The following C2orf92 variants were observed in gnomAD, a reference collection of about 807,000 sequenced individuals.
C2orf92 encodes chromosome 2 open reading frame 92.
chr2:97,690,200 G>T (rs1676082160), intron 4 of C2orf92, 56 bp from the exon 5 acceptor site: 1 of 396,860 alleles, frequency 2.5e-6, no homozygotes. Context: ...GCTTGCAAAT[G>T]TGTACTGATG....
chr2:97,680,699 G>A (rs913709911), intron 3 of C2orf92, among the ~76,000 whole-genome samples: 1 of 152,128 alleles, frequency 6.6e-6, no homozygotes, highest in African/African-American at 2.4e-5. Flanking sequence ...GGCCGAGGCG[G>A]GCGGATCATG....
intron 3 of C2orf92, among the ~76,000 whole-genome samples, chr2:97,687,421 C>A (rs1352226982): frequency 1.3e-5 from 2 of 152,110 alleles, no homozygotes; most frequent in East Asian, 3.9e-4. Context: ...CCACCACCAC[C>A]ACCACCACAA....
chr2:97,682,669 A>G (rs958257789), intron 3 of C2orf92, among the ~76,000 whole-genome samples: 1 of 152,212 alleles, frequency 6.6e-6, no homozygotes, highest in Non-Finnish European at 1.5e-5. Context: ...ATAAAAATCA[A>G]TCACTGTAAT....
chr2:97,672,743 C>G (rs1169211293), intron 1 of C2orf92, among the ~76,000 whole-genome samples: 1 of 152,072 alleles, frequency 6.6e-6, no homozygotes, highest in Non-Finnish European at 1.5e-5. Flanking sequence ...CGTAGGTCAG[C>G]ATGGTCATCA....
chr2:97,701,357 C>G (rs2104611319), intron 7 of C2orf92, 53 bp downstream of exon 7: 1 of 397,686 alleles, frequency 2.5e-6, no homozygotes, highest in East Asian at 3.6e-5. Context: ...TGTTAGAACT[C>G]ACGCTGCCCT....
intron 6 of C2orf92, 29 bp downstream of exon 6, chr2:97,699,165 G>A: frequency 7.5e-6 from 3 of 398,544 alleles, no homozygotes; most frequent in Admixed American, 4.4e-5. Context: ...TATAAACTAA[G>A]TATGATGCTT....
At chr2:97,688,368 A>G (rs1247086781) in intron 3 of C2orf92, among the ~76,000 whole-genome samples, 4 of 152,166 alleles carry the variant, frequency 2.6e-5, no homozygotes, top group Non-Finnish European at 5.9e-5. Flanking sequence ...AGGAAAGCCT[A>G]GAGGGGAAGG....
chr2:97,663,943 G>A, upstream of C2orf92: 2 of 983,500 alleles, frequency 2.0e-6, no homozygotes, highest in South Asian at 3.4e-5. Context: ...GGCACCGGAT[G>A]GGCGGGCGGG....
chr2:97,695,845 A>G (rs2104596620), intron 5 of C2orf92, among the ~76,000 whole-genome samples: 1 of 152,074 alleles, frequency 6.6e-6, no homozygotes, highest in African/African-American at 2.4e-5. Context: ...TCCACCTCCC[A>G]AATTCAAGCA....
intron 5 of C2orf92, among the ~76,000 whole-genome samples, chr2:97,691,495 T>C (rs772766314): frequency 6.6e-6 from 1 of 152,168 alleles, no homozygotes; most frequent in Non-Finnish European, 1.5e-5. Context: ...TGGAGGGAGA[T>C]TGGCTCCACA....
chr2:97,672,471 A>T lies in C2orf92; in HGVS notation c.47-1985A>T, dbSNP rs557319493. 2.0e-5 allele frequency: 3 copies of T among 152,324 alleles called. No homozygotes were observed. The East Asian group carries it at 5.8e-4, about 29-fold the overall frequency. 9.4% of individuals were successfully genotyped at this position (152,324 alleles called of 1,614,324 possible). On this transcript the variant is annotated intron_variant, in intron 1 of 7. Coordinates refer to ENST00000627399, the MANE Select transcript of C2orf92 (RefSeq NM_001351368.2). ...TGCAGGTAGCACTCGCAGTCCCCCT[A>T]GCTGTGCCCTCAGCACCTGCTGTCT...
chr2:97,664,124 G>T, upstream of C2orf92: 1 of 263,858 alleles, frequency 3.8e-6, no homozygotes. Context: ...TGCGCGAAGG[G>T]GGCGGGGCCT....
upstream of C2orf92, chr2:97,664,081 T>C: frequency 3.5e-6 from 1 of 283,336 alleles, no homozygotes; most frequent in East Asian, 5.8e-5. Context: ...CGCTCCCACC[T>C]GGCCCGATTG....
At chr2:97,685,119 CAG>C (rs2104570086) in intron 3 of C2orf92, among the ~76,000 whole-genome samples, 1 of 151,358 alleles carries the variant, frequency 6.6e-6, no homozygotes, top group East Asian at 2.0e-4. Context: ...TTAGTAGAGA[CAG>C]GGTTTCACTG....
Position 97,682,824 on chromosome 2 carries a change from G to A in C2orf92, c.233-6071G>A, listed in dbSNP as rs140524651. ...AGAGATAGAAGGAAACTACCAAAAC[G>A]TAATAAAAGCCTGTTTGAAAAACCC... On this transcript the variant is annotated intron_variant, in intron 3 of 7. Transcript: ENST00000627399. Among the ~76,000 whole-genome samples the A allele has an allele frequency of 2.4e-3, 366 of 151,608 alleles. 1 individual carries two copies. The highest frequency in any genetic ancestry group is 8.5e-3 in the African/African-American group (351 of 41,346).
At chr2:97,666,694 T>G (rs1484286504), upstream of C2orf92, among the ~76,000 whole-genome samples, 3 of 151,170 alleles carry the variant, frequency 2.0e-5, no homozygotes, top group Non-Finnish European at 4.4e-5. Flanking sequence ...AATACAAAAA[T>G]TAGCCGGGCA....
chr2:97,690,749 G>A (rs971375925), intron 5 of C2orf92, among the ~76,000 whole-genome samples: 10 of 148,450 alleles, frequency 6.7e-5, no homozygotes, highest in Admixed American at 6.1e-4. Context: ...AGACTCTCTT[G>A]TAGAGAGTAC....
At chr2:97,691,707 A>T (rs1676143503) in intron 5 of C2orf92, among the ~76,000 whole-genome samples, 1 of 152,110 alleles carries the variant, frequency 6.6e-6, no homozygotes, top group African/African-American at 2.4e-5. Context: ...GAATGGGAAG[A>T]GCTTATTAAA....
In C2orf92 at chr2:97,680,966, G is replaced by T. The variant is rs897959464; in HGVS notation, c.232+5038G>T. On this transcript the variant is annotated intron_variant, in intron 3 of 7. Transcript: ENST00000627399. ...CCAAAAAACCCCAAAAATTAGCTGG[G>T]CATGGTGGCATGCGCCTATAGTCCC... 2.0e-5 allele frequency among the ~76,000 whole-genome samples: 3 copies of T among 151,418 alleles called. No homozygotes were observed. In the South Asian group the frequency reaches 6.3e-4, roughly 32 times the overall value.
Sources: allele counts gnomAD v4.1 joint callset (sites outside exome capture counted in the v4.1 genomes callset), GRCh38; gene constraint gnomAD v4.1.1; transcripts MANE v1.5; gene names NCBI Gene and HGNC (gene_info 2026-07-23, HGNC 2026-07-21).